The following SYNE2 variants were observed in gnomAD, a reference collection of about 807,000 sequenced individuals.
SYNE2 encodes nesprin-2.
SYNE2 carries 431 observed loss-of-function variants against 856.3 expected under a neutral mutation model. The ratio of observed to expected loss-of-function variants is 0.50; its 90% CI spans 0.47 to 0.55. SYNE2 has a LOEUF of 0.55. Among genes scored for constraint, SYNE2 ranks in the 20% least tolerant of loss-of-function variants. SYNE2 has a pLI of 0.00. For synonymous variants in SYNE2, 2,923 were observed against 2,872.3 expected (o/e 1.02, Z -0.56); for missense variants, 8,129 against 8,023.2 (o/e 1.01, Z -0.50).
At chr14:63,775,334 G>A (rs1020945205) in intron 1 of SYNE2, among the ~76,000 whole-genome samples, 15 of 151,780 alleles carry the variant, frequency 9.9e-5, no homozygotes, top group African/African-American at 3.6e-4. Context: ...GAATGCAGTG[G>A]TGTGATCTCG....
At chr14:64,105,003 A>G (rs2097761934) in intron 64 of SYNE2, among the ~76,000 whole-genome samples, 1 of 152,160 alleles carries the variant, frequency 6.6e-6, no homozygotes, top group Non-Finnish European at 1.5e-5. Context: ...CTATTTTCTC[A>G]GAGATAAACT....
intron 20 of SYNE2, 27 bp from the exon 21 acceptor site, chr14:63,990,915 T>C: frequency 6.2e-7 from 1 of 1,607,890 alleles, no homozygotes; most frequent in Non-Finnish European, 8.5e-7. Context: ...GTCCCCGTGT[T>C]AATTTGAGAA....
chr14:64,040,549 C>G lies in SYNE2; in HGVS notation c.7222-7451C>G, dbSNP rs373625253. Among the ~76,000 whole-genome samples, 99 of 149,328 alleles carry G rather than the reference C, an allele frequency of 6.6e-4. 1 individual carries two copies. The highest frequency in any genetic ancestry group is 2.1e-3 in the African/African-American group (84 of 40,810). ...ATGACTGAGAAAATTATCACAAAAT[C>G]CAACATCTATAAAGAGACATATCCC... On this transcript the variant is annotated intron_variant, in intron 45 of 115. Transcript: ENST00000555002.
chr14:64,180,279 C>G (rs1022484953), intron 96 of SYNE2, among the ~76,000 whole-genome samples: 1 of 152,198 alleles, frequency 6.6e-6, no homozygotes, highest in African/African-American at 2.4e-5. Flanking sequence ...ATACCCACAC[C>G]TTGTTCTCTC....
intron 2 of SYNE2, among the ~76,000 whole-genome samples, chr14:63,934,069 C>CTTTG (rs2095799420): frequency 6.6e-6 from 1 of 152,172 alleles, no homozygotes. Context: ...CCTGGGATGT[C>CTTTG]TTTGTTTGCC....
chr14:64,124,254 A>G (rs2097919961), intron 70 of SYNE2, among the ~76,000 whole-genome samples: 2 of 152,050 alleles, frequency 1.3e-5, no homozygotes, highest in South Asian at 2.1e-4. Context: ...GTGCAGTGGC[A>G]TGACCAAAAC....
chr14:64,139,368 G>A (rs1434754732), intron 79 of SYNE2, among the ~76,000 whole-genome samples: 3 of 132,896 alleles, frequency 2.3e-5, no homozygotes, highest in African/African-American at 7.9e-5. Flanking sequence ...TTGTGTAGCT[G>A]TAATAAGAAA....
chr14:64,135,632 A>G (rs941421818), intron 78 of SYNE2, among the ~76,000 whole-genome samples: 20 of 152,244 alleles, frequency 1.3e-4, no homozygotes, highest in Non-Finnish European at 2.8e-4. Context: ...GTCTAATATT[A>G]GCCAACCTAA....
chr14:63,893,432 G>C (rs915647952), intron 1 of SYNE2, among the ~76,000 whole-genome samples: 1 of 152,066 alleles, frequency 6.6e-6, no homozygotes, highest in Non-Finnish European at 1.5e-5. Context: ...GCTGGGCGTG[G>C]TGGCACACGC....
intron 95 of SYNE2, among the ~76,000 whole-genome samples, chr14:64,176,682 G>A (rs562533063): frequency 1.3e-5 from 2 of 152,284 alleles, no homozygotes; most frequent in South Asian, 4.1e-4. Context: ...CAGTTACTCC[G>A]TACAGTAGCC....
At chr14:63,954,526 G>A (rs2096215373) in intron 7 of SYNE2, among the ~76,000 whole-genome samples, 193 bp from the exon 8 acceptor site, 1 of 152,168 alleles carries the variant, frequency 6.6e-6, no homozygotes, top group Non-Finnish European at 1.5e-5. Flanking sequence ...TTGAGAATCA[G>A]TGTTCTGTGG....
chr14:63,903,297 G>A (rs2095362877), intron 1 of SYNE2, among the ~76,000 whole-genome samples: 1 of 152,094 alleles, frequency 6.6e-6, no homozygotes, highest in African/African-American at 2.4e-5. Context: ...TTTTACTTTT[G>A]ATAGACATTT....
At position 63,967,753 on chromosome 14, in the gene SYNE2, C is replaced by A. The variant is rs2153454288; in HGVS notation, c.1035C>A (p.Ser345=). Residue 345 remains serine, a synonymous_variant, in exon 11 of 116, where the codon TCC becomes TCA. Coordinates refer to ENST00000555002, the MANE Select transcript of SYNE2 (RefSeq NM_182914.3). ...AGTCATTCAATGAAGAAAAAAAGTC[C>A]TTTTTGGATGTCCTGTCAATAAAAC... ...FMESFNEEKK[S]FLDVLSIKRD... The A allele has an allele frequency of 6.2e-7, 1 of 1,614,042 alleles. No homozygotes were observed. Among genetic ancestry groups the A allele is most frequent in the African/African-American group, 1.3e-5 (1 of 75,034 alleles).
At chr14:64,166,042 T>C (rs1286291541) in intron 90 of SYNE2, among the ~76,000 whole-genome samples, 1 of 152,236 alleles carries the variant, frequency 6.6e-6, no homozygotes, top group Admixed American at 6.5e-5. Context: ...AATTCTATTA[T>C]GCATTTTTCT....
chr14:64,159,413 C>G lies in SYNE2; in HGVS notation c.16065C>G (p.Ile5355Met), dbSNP rs36002764. ...TCTGCCCCTCTGTTGCTGAAATAATCGAAGAGAAATGCCAAAATACTCATA... is the reference window on the plus strand; with the variant it reads ...TCTGCCCCTCTGTTGCTGAAATAATGGAAGAGAAATGCCAAAATACTCATA... The part of the protein sequence containing the change: ...KGLCPSVAEI[I>M]EEKCQNTHKR... Residue 5355 changes from isoleucine to methionine, a missense_variant, in exon 87 of 116, where the codon ATC becomes ATG. By Grantham distance (10) the Ile-to-Met change is conservative. This residue lies in a region of SYNE2 where 5,410 missense variants were observed against 5,284.8 expected (regional missense o/e 1.02). Transcript: ENST00000555002. The G allele has an allele frequency of 6.2e-7, 1 of 1,613,760 alleles. No homozygotes were observed. The highest frequency in any genetic ancestry group is 8.5e-7 in the Non-Finnish European group (1 of 1,179,818).
intron 78 of SYNE2, 81 bp from the exon 79 acceptor site, chr14:64,137,706 A>G (rs1567422673): frequency 7.1e-7 from 1 of 1,414,342 alleles, no homozygotes; most frequent in Non-Finnish European, 9.8e-7. Flanking sequence ...CACAAATGTC[A>G]GTTTTAAATG....
intron 99 of SYNE2, among the ~76,000 whole-genome samples, chr14:64,198,057 A>G (rs2098547545): frequency 6.6e-6 from 1 of 152,224 alleles, no homozygotes; most frequent in Admixed American, 6.5e-5. Flanking sequence ...GTACCTAAAA[A>G]TTTTGTTTTT....
rs1405467532 is a variant in SYNE2, at chr14:64,159,330, G to C, written c.15982G>C (p.Glu5328Gln). The change falls in exon 87 of 116, where the codon GAG becomes CAG. Residue 5328 changes from glutamate (E) to glutamine (Q), a missense_variant. Glu to Gln is a conservative substitution (Grantham distance 29, BLOSUM62 2). Coordinates refer to ENST00000555002, the MANE Select transcript of SYNE2 (RefSeq NM_182914.3). Reference protein sequence around the residue: ...ENLQSLQDEAESSEGSWEKLQ... With the variant: ...ENLQSLQDEAQSSEGSWEKLQ... ...CTCTTAGTCTCTGCAAGATGAAGCT[G>C]AGAGCAGTGAAGGGAGTTGGGAGAA... 6.2e-7 allele frequency: 1 copy of C among 1,613,954 alleles called. No homozygotes were observed. Among genetic ancestry groups the C allele is most frequent in the Admixed American group, 1.7e-5 (1 of 60,012 alleles).
chr14:63,818,373 T>C (rs573042129), intron 1 of SYNE2, among the ~76,000 whole-genome samples: 3 of 143,310 alleles, frequency 2.1e-5, no homozygotes, highest in Non-Finnish European at 4.5e-5. Context: ...AAAAAATTAG[T>C]TGGGCATGGT....
Sources: gnomAD v4.1 joint callset for allele counts (sites outside exome capture counted in the v4.1 genomes callset) on GRCh38, gnomAD v4.1.1 for gene constraint, gnomAD v4.1.1 regional missense constraint, MANE v1.5 for transcripts, NCBI Gene and HGNC (gene_info 2026-07-23, HGNC 2026-07-21) for gene names.